Variants in CFI observed in about 807,000 individuals in gnomAD.
The protein encoded by CFI is C3B/C4B inactivator.
Under a neutral mutation model 78.8 loss-of-function variants are expected in CFI, and 66 were observed. That is an observed-to-expected ratio of 0.84 (90% CI 0.69 to 1.03). The LOEUF is 1.03. CFI is among the 50% of genes least tolerant of loss of function. The pLI, the probability that CFI is intolerant of heterozygous loss-of-function variation, is 0.00. For missense variants in CFI, 706 were observed against 704.5 expected (o/e 1.00, Z -0.02); for synonymous variants, 250 against 232.6 (o/e 1.07, Z -0.68).
intron 1 of CFI, among the ~76,000 whole-genome samples, chr4:109,783,729 G>A (rs2125850542): frequency 6.6e-6 from 1 of 150,870 alleles, no homozygotes. Context: ...GCACATGCAT[G>A]TTTATGGCCG....
chr4:109,801,787 G>C (rs565222944), intron 1 of CFI, 128 bp downstream of exon 1: 14 of 638,678 alleles, frequency 2.2e-5, no homozygotes, highest in Admixed American at 8.5e-5. Flanking sequence ...GCTGACTATA[G>C]AGTGGCATTG....
intron 1 of CFI, among the ~76,000 whole-genome samples, chr4:109,791,775 C>T (rs917163806): frequency 3.3e-5 from 5 of 151,758 alleles, no homozygotes; most frequent in African/African-American, 1.2e-4. Flanking sequence ...ATTTCTGGGT[C>T]CTCTATTCTT....
In CFI at chr4:109,741,076, C is replaced by A. The variant is rs766330315; in HGVS notation, c.1569G>T (p.Gly523=). ...TYDGSIDACK[G]DSGGPLVCMD... The stretch of plus-strand genomic sequence containing the variant: ...TACAGACTAAGGGGCCTCCAGAGTC[C>A]CCTTTACAGGCATCGATGGAACCAT... Residue 523 remains glycine, a synonymous_variant, in exon 13 of 13, where the codon GGG becomes GGT. Transcript: ENST00000394634. 10 of 1,614,130 alleles carry A rather than the reference C, an allele frequency of 6.2e-6. No homozygotes were observed. The Admixed American group carries it at 1.7e-4, about 27-fold the overall frequency.
At chr4:109,759,393 T>C (rs1441127613) in intron 6 of CFI, among the ~76,000 whole-genome samples, 3 of 152,150 alleles carry the variant, frequency 2.0e-5, no homozygotes, top group African/African-American at 4.8e-5. Context: ...GATTTGAATC[T>C]ATTCATTCAA....
intron 1 of CFI, among the ~76,000 whole-genome samples, chr4:109,781,978 C>T (rs1239271761): frequency 6.6e-6 from 1 of 152,046 alleles, no homozygotes; most frequent in African/African-American, 2.4e-5. Flanking sequence ...GATTAAAACT[C>T]TCAGCAAAAT....
downstream of CFI, among the ~76,000 whole-genome samples, chr4:109,739,994 A>G (rs2126176740): frequency 6.6e-6 from 1 of 152,088 alleles, no homozygotes; most frequent in South Asian, 2.1e-4. Flanking sequence ...AAGAAATGTT[A>G]ATACTTAAAG....
chr4:109,747,814 G>A (rs910058032), intron 10 of CFI, among the ~76,000 whole-genome samples: 7 of 152,068 alleles, frequency 4.6e-5, no homozygotes, highest in Non-Finnish European at 8.8e-5. Flanking sequence ...GATGATTTCC[G>A]GATGAAACGC....
At chr4:109,785,369 A>G (rs1730610795) in intron 1 of CFI, among the ~76,000 whole-genome samples, 1 of 152,136 alleles carries the variant, frequency 6.6e-6, no homozygotes, top group African/African-American at 2.4e-5. Flanking sequence ...AATTGTTGTT[A>G]AAATATTATC....
At chr4:109,801,001 G>T (rs1732713747) in intron 1 of CFI, among the ~76,000 whole-genome samples, 1 of 152,172 alleles carries the variant, frequency 6.6e-6, no homozygotes, top group Non-Finnish European at 1.5e-5. Context: ...ATCTTAAAGT[G>T]TGTTTTCTTA....
chr4:109,789,256 C>G (rs1035794453), intron 1 of CFI, among the ~76,000 whole-genome samples: 7 of 151,630 alleles, frequency 4.6e-5, no homozygotes, highest in Admixed American at 4.6e-4. Context: ...AAAAAGAGGA[C>G]AAAATGAGGG....
chr4:109,757,120 C>T (rs1726412756), intron 7 of CFI, among the ~76,000 whole-genome samples: 2 of 151,850 alleles, frequency 1.3e-5, no homozygotes, highest in South Asian at 2.1e-4. Context: ...GCTCCGCCTC[C>T]CGGGTTCACG....
chr4:109,756,928 A>AGAAT (rs1726310676), intron 7 of CFI, among the ~76,000 whole-genome samples: 1 of 147,978 alleles, frequency 6.8e-6, no homozygotes, highest in African/African-American at 2.5e-5. Flanking sequence ...AAAGAAAGAA[A>AGAAT]GAAAGAAAGA....
intron 1 of CFI, among the ~76,000 whole-genome samples, chr4:109,771,166 C>T (rs571976528): frequency 1.3e-4 from 19 of 151,680 alleles, no homozygotes; most frequent in Middle Eastern, 3.4e-3. Context: ...CTGAGGCCAG[C>T]GGATCATGAG....
chr4:109,739,491 T>C (rs1723582355), downstream of CFI, among the ~76,000 whole-genome samples: 1 of 151,900 alleles, frequency 6.6e-6, no homozygotes, highest in Admixed American at 6.6e-5. Context: ...TTAAAGTAGG[T>C]GGTGTGACAG....
Position 109,760,294 on chromosome 4 carries a change from C to T in CFI, c.859G>A (p.Gly287Arg), listed in dbSNP as rs182078921. 320 of 1,613,894 alleles carry T rather than the reference C, an allele frequency of 2.0e-4. No individual in the cohort carries two copies. Among genetic ancestry groups the T allele is most frequent in the Non-Finnish European group, 2.7e-4 (313 of 1,179,742 alleles). Residue 287 changes from glycine (G) to arginine (R), a missense_variant, in exon 6 of 13, where the codon GGG (glycine) becomes AGG (arginine). By Grantham distance (125) the Gly-to-Arg change is moderately radical (BLOSUM62 -2). Coordinates refer to ENST00000394634, the MANE Select transcript of CFI (RefSeq NM_000204.5). ...CCTGCACAGCCAACTTCATCTTCCC[C>T]TGTAATGCAGTCCACCTCACCATTG... is the stretch of plus-strand genomic sequence containing the variant. The part of the protein sequence containing the change: ...QCNGEVDCIT[G>R]EDEVGCAGFA...
intron 1 of CFI, among the ~76,000 whole-genome samples, chr4:109,795,739 T>A (rs1731975774): frequency 6.6e-6 from 1 of 152,052 alleles, no homozygotes. Flanking sequence ...AGTAGAGAGC[T>A]CATACACCAT....
chr4:109,761,673 T>G lies in CFI; in HGVS notation c.502A>C (p.Arg168=). Residue 168 remains arginine, a synonymous_variant, in exon 4 of 13, where the codon AGG becomes CGG. Transcript: ENST00000394634. ...ATAGAGAGATCAGACAACTTAAACC[T>G]TCTTTGAGTATCAGCACCTCTGCAA... ...GFQQGADTQR[R]FKLSDLSINS... 6.2e-7 allele frequency: 1 copy of G among 1,612,504 alleles called. No individual in the cohort carries two copies. Among genetic ancestry groups the G allele is most frequent in the Non-Finnish European group, 8.5e-7 (1 of 1,178,708 alleles).
At chr4:109,792,962 G>A (rs147927373) in intron 1 of CFI, among the ~76,000 whole-genome samples, 2 of 152,142 alleles carry the variant, frequency 1.3e-5, no homozygotes, top group Non-Finnish European at 2.9e-5. Context: ...TCCATTTAAA[G>A]TAATTGCTGA....
intron 1 of CFI, among the ~76,000 whole-genome samples, chr4:109,767,839 T>C (rs1727977806): frequency 6.6e-6 from 1 of 152,114 alleles, no homozygotes; most frequent in Non-Finnish European, 1.5e-5. Flanking sequence ...ACACGTATGT[T>C]TATTGCGGCA....
Sources: gnomAD v4.1 joint callset for allele counts (sites outside exome capture counted in the v4.1 genomes callset) on GRCh38, gnomAD v4.1.1 for gene constraint, MANE v1.5 for transcripts, NCBI Gene and HGNC (gene_info 2026-07-23, HGNC 2026-07-21) for gene names.